The following RIMBP2 variants were observed in gnomAD, a reference collection of about 807,000 sequenced individuals.
RIMBP2 encodes the protein RIMS-binding protein 2.
RIMBP2 carries 48 observed loss-of-function variants against 118.6 expected under a neutral mutation model. That is an observed-to-expected ratio of 0.40 (90% CI 0.32 to 0.51). The LOEUF (loss-of-function observed/expected upper bound fraction) is 0.51, where lower values mean the gene tolerates loss of function less well. RIMBP2 is among the 20% of genes least tolerant of loss of function. The pLI, the probability that RIMBP2 is intolerant of heterozygous loss-of-function variation, is 0.41. For synonymous variants in RIMBP2, 762 were observed against 742.9 expected (o/e 1.03, Z -0.42); for missense variants, 1,551 against 1,768.3 (o/e 0.88, Z 2.20).
At chr12:130,486,167 A>G (rs2082453682) in intron 4 of RIMBP2, among the ~76,000 whole-genome samples, 1 of 151,892 alleles carries the variant, frequency 6.6e-6, no homozygotes, top group Admixed American at 6.5e-5. Flanking sequence ...AGATTCTCCC[A>G]CTAAGGCAGC....
chr12:130,439,767 GTGTGT>G (rs2077934354), intron 11 of RIMBP2, among the ~76,000 whole-genome samples: 1 of 149,700 alleles, frequency 6.7e-6, no homozygotes, highest in Non-Finnish European at 1.5e-5. Flanking sequence ...GTCTGTGTGT[GTGTGT>G]ATGTGGGTAT....
chr12:130,671,704 C>T (rs765693073), intron 1 of RIMBP2, among the ~76,000 whole-genome samples: 18 of 151,768 alleles, frequency 1.2e-4, no homozygotes, highest in Non-Finnish European at 2.1e-4. Flanking sequence ...GCCAGCAGCA[C>T]GTCCCCACCC....
chr12:130,497,230 C>T (rs540763688), intron 4 of RIMBP2, among the ~76,000 whole-genome samples: 4 of 152,326 alleles, frequency 2.6e-5, no homozygotes, highest in South Asian at 2.1e-4. Flanking sequence ...TTAGGCCCCG[C>T]GCCCCAGTTC....
At chr12:130,425,838 C>T (rs987524824) in intron 15 of RIMBP2, 1 of 152,394 alleles carries the variant, frequency 6.6e-6, no homozygotes, top group Non-Finnish European at 1.5e-5. Flanking sequence ...AACAGGGCCA[C>T]TTGTCTGTCC....
At chr12:130,592,653 C>A (rs1315454304) in intron 2 of RIMBP2, among the ~76,000 whole-genome samples, 2 of 149,526 alleles carry the variant, frequency 1.3e-5, no homozygotes, top group East Asian at 4.0e-4. Context: ...CGCGCCACTG[C>A]ACTCCAGCCT....
chr12:130,458,284 T>C (rs2079632642), intron 6 of RIMBP2, among the ~76,000 whole-genome samples: 1 of 152,168 alleles, frequency 6.6e-6, no homozygotes, highest in African/African-American at 2.4e-5. Context: ...AAAAGCTGAA[T>C]GGGCTTGGCC....
At chr12:130,441,408 A>C (rs906988129) in intron 11 of RIMBP2, among the ~76,000 whole-genome samples, 53 of 87,112 alleles carry the variant, frequency 6.1e-4, no homozygotes, top group Non-Finnish European at 1.3e-3. Flanking sequence ...CTCAAATAAT[A>C]ATAATAATAA....
Position 130,424,800 on chromosome 12 carries a change from T to TG in RIMBP2, c.2470dup (p.His824ProfsTer103). 8.1e-7 allele frequency: 1 copy of TG among 1,232,646 alleles called. No individual in the cohort carries two copies. The allele number at this position is 1,232,646 out of a possible 1,614,324, so 76.4% of individuals were successfully genotyped here. On this transcript the variant is annotated frameshift_variant, in exon 16 of 23. Transcript: ENST00000690449. LOFTEE classifies it high-confidence loss of function. This position sits in a 1 kb window ranked among gnomAD's most constrained non-coding sequence, Gnocchi z 9.8. ...GAAAAGTCTCTTCCTGTGGGGCTGG[T>TG]GGGGAAACTCGGGCTGCTCCCAGAA...
At chr12:130,646,526 C>G (rs913890304) in intron 1 of RIMBP2, among the ~76,000 whole-genome samples, 3 of 152,134 alleles carry the variant, frequency 2.0e-5, no homozygotes, top group Non-Finnish European at 4.4e-5. Context: ...GCCCTCTGCT[C>G]CCATTTCCTC....
chr12:130,693,523 T>G (rs952264017), intron 1 of RIMBP2, among the ~76,000 whole-genome samples: 9 of 152,202 alleles, frequency 5.9e-5, no homozygotes, highest in Non-Finnish European at 1.0e-4. Flanking sequence ...AATCCACTTC[T>G]ATGCCCACCG....
In RIMBP2 at chr12:130,576,392, G is replaced by A. The variant is rs185684194; in HGVS notation, c.-217+51930C>T. ...GCTTCTAGATCCTCAGCAGGTTGGC[G>A]CATGACCCTCAGAGCCCTAAACACA... On this transcript the variant is annotated intron_variant, in intron 2 of 22. Transcript: ENST00000690449. The surrounding 1 kb of genome is among the most constrained non-coding windows in gnomAD (Gnocchi z 4.2). 5.3e-5 allele frequency among the ~76,000 whole-genome samples: 8 copies of A among 152,202 alleles called. No individual in the cohort carries two copies. The highest frequency in any genetic ancestry group is 1.9e-4 in the East Asian group (1 of 5,158).
At chr12:130,654,841 G>A (rs2063357854) in intron 1 of RIMBP2, among the ~76,000 whole-genome samples, 1 of 152,176 alleles carries the variant, frequency 6.6e-6, no homozygotes, top group African/African-American at 2.4e-5. Context: ...AGACAAAGAG[G>A]AGCCAGCATG....
chr12:130,616,597 C>G (rs1294638717), intron 2 of RIMBP2, among the ~76,000 whole-genome samples: 1 of 152,160 alleles, frequency 6.6e-6, no homozygotes, highest in Admixed American at 6.5e-5. Flanking sequence ...TACTGGGCGC[C>G]CAAATGTGCA....
In RIMBP2 at chr12:130,646,243, CTCCCTCACCACT is replaced by C. The variant is rs1324258631; in HGVS notation, c.-351-17799_-351-17788del. 4.4e-5 allele frequency among the ~76,000 whole-genome samples: 3 copies of C among 67,668 alleles called. 1 individual carries two copies. Among genetic ancestry groups the C allele is most frequent in the African/African-American group, 4.9e-5 (1 of 20,366 alleles). The allele number at this position is 67,668 out of a possible 152,430, so 44.4% of individuals were successfully genotyped here. ...CCTCCCTCACCACCTGCCTCTCCAC[CTCCCTCACCACT>C]TCCCTCTCCACCTGCCTCACCACCT... On this transcript the variant is annotated intron_variant, in intron 1 of 22. Coordinates refer to ENST00000690449, the MANE Select transcript of RIMBP2 (RefSeq NM_001393629.1).
At chr12:130,512,948 T>C (rs924846530) in intron 3 of RIMBP2, among the ~76,000 whole-genome samples, 1 of 152,122 alleles carries the variant, frequency 6.6e-6, no homozygotes, top group Non-Finnish European at 1.5e-5. Flanking sequence ...CAAATGTCTA[T>C]GTGTGTCATC....
chr12:130,437,452 T>C (rs2077612687), intron 12 of RIMBP2, among the ~76,000 whole-genome samples, 161 bp from the exon 13 acceptor site: 1 of 152,008 alleles, frequency 6.6e-6, no homozygotes, highest in Non-Finnish European at 1.5e-5. Flanking sequence ...CCAGGAAGTC[T>C]TGCGGGGAGG....
intron 2 of RIMBP2, among the ~76,000 whole-genome samples, chr12:130,626,919 G>A (rs61934654): frequency 0.57 from 85,309 of 148,930 alleles, 25,979 homozygotes; most frequent in Admixed American, 0.66. Context: ...TCTCCATCAC[G>A]ACTACCGCCA....
intron 2 of RIMBP2, among the ~76,000 whole-genome samples, chr12:130,590,169 A>G (rs557359887): frequency 6.6e-6 from 1 of 152,326 alleles, no homozygotes; most frequent in East Asian, 1.9e-4. Flanking sequence ...AGAGTCAAAT[A>G]ACACAATGCC....
At chr12:130,584,263 T>C (rs1343118661) in intron 2 of RIMBP2, among the ~76,000 whole-genome samples, 11 of 50,422 alleles carry the variant, frequency 2.2e-4, no homozygotes, top group East Asian at 8.9e-4. Context: ...CTCACCACCA[T>C]CACCACCATC....
Sources: allele counts gnomAD v4.1 joint callset (sites outside exome capture counted in the v4.1 genomes callset), GRCh38; gene constraint gnomAD v4.1.1; non-coding constraint Gnocchi (gnomAD v3.1); transcripts MANE v1.5; gene names NCBI Gene and HGNC (gene_info 2026-07-23, HGNC 2026-07-21).